The following RAPGEF6 variants were observed in gnomAD, a reference collection of about 807,000 sequenced individuals.
The protein encoded by RAPGEF6 is PDZ domain containing guanine nucleotide exchange factor (GEF) 2.
In RAPGEF6, 56 loss-of-function variants were observed where a neutral mutation model predicts 171.4. The observed-to-expected ratio is 0.33, with a 90% CI of 0.26 to 0.41. RAPGEF6 has a LOEUF of 0.41. RAPGEF6 is among the 10% of genes least tolerant of loss of function. RAPGEF6 has a pLI of 1.00. For missense variants in RAPGEF6, 1,674 were observed against 1,921.4 expected, an observed-to-expected ratio of 0.87 and a Z score of 2.41; for synonymous variants, 692 against 650.1, an observed-to-expected ratio of 1.06 and a Z score of -0.98.
intron 4 of RAPGEF6, among the ~76,000 whole-genome samples, chr5:131,586,989 T>C (rs1486171947): frequency 6.6e-6 from 1 of 152,232 alleles, no homozygotes; most frequent in African/African-American, 2.4e-5. Flanking sequence ...CCCTTTGCTG[T>C]GAGGAAGAGC....
intron 4 of RAPGEF6, among the ~76,000 whole-genome samples, chr5:131,584,964 A>C (rs1353654990): frequency 6.6e-6 from 1 of 152,238 alleles, no homozygotes; most frequent in Non-Finnish European, 1.5e-5. Context: ...TAATAACAGG[A>C]GTTTAACAAC....
chr5:131,627,173 C>G (rs918253871), intron 1 of RAPGEF6, among the ~76,000 whole-genome samples: 3 of 152,152 alleles, frequency 2.0e-5, no homozygotes, highest in Non-Finnish European at 4.4e-5. Flanking sequence ...CAGCTGCCAA[C>G]AGATTATGAA....
Position 131,519,446 on chromosome 5 carries a change from G to C in RAPGEF6, c.627+1944C>G, listed in dbSNP as rs145986419. Among the ~76,000 whole-genome samples the C allele has an allele frequency of 2.6e-5, 4 of 152,212 alleles. No homozygotes were observed. The South Asian group carries it at 8.3e-4, about 32-fold the overall frequency. ...AGACAGAGTCTTGCTCTGTCGGCCA[G>C]GCTGGAGTGCAGTGGCATGCTCTTG... On this transcript the variant is annotated intron_variant, in intron 7 of 27. Coordinates refer to ENST00000509018, the MANE Select transcript of RAPGEF6 (RefSeq NM_016340.6).
chr5:131,456,627 T>C (rs961372348), intron 19 of RAPGEF6, among the ~76,000 whole-genome samples: 5 of 152,252 alleles, frequency 3.3e-5, no homozygotes, highest in Non-Finnish European at 5.9e-5. Context: ...CAAGTCTTTA[T>C]GAATCCTTTA....
At chr5:131,501,291 G>A (rs1026915565) in intron 11 of RAPGEF6, among the ~76,000 whole-genome samples, 5 of 151,142 alleles carry the variant, frequency 3.3e-5, no homozygotes, top group African/African-American at 4.9e-5. Context: ...AGCCAAGATC[G>A]TGCCACTGCA....
At chr5:131,623,529 G>A (rs1765720237) in intron 1 of RAPGEF6, among the ~76,000 whole-genome samples, 1 of 144,864 alleles carries the variant, frequency 6.9e-6, no homozygotes, top group Non-Finnish European at 1.5e-5. Flanking sequence ...TGTTGCCCAG[G>A]CTGGAGTGCA....
intron 12 of RAPGEF6, among the ~76,000 whole-genome samples, chr5:131,497,103 G>A (rs951528582): frequency 6.6e-6 from 1 of 152,104 alleles, no homozygotes; most frequent in African/African-American, 2.4e-5. Flanking sequence ...TTGAGGTTAT[G>A]ACTGCATATC....
intron 5 of RAPGEF6, among the ~76,000 whole-genome samples, chr5:131,550,503 T>C (rs1760854005): frequency 6.6e-6 from 1 of 152,220 alleles, no homozygotes; most frequent in Non-Finnish European, 1.5e-5. Context: ...CTAATCTGCT[T>C]TGTTCAGGTG....
Position 131,600,611 on chromosome 5 carries a change from G to A in RAPGEF6, c.197+2660C>T, listed in dbSNP as rs572450164. On this transcript the variant is annotated intron_variant, in intron 3 of 27. Transcript: ENST00000509018. ...AGAGGGGAGGGGAAGGGAGGGGAGA[G>A]AAGAGGAGAGAAGAGGAGAGGAGGA... 2.9e-3 allele frequency among the ~76,000 whole-genome samples: 433 copies of A among 149,408 alleles called. 2 individuals carry two copies. The highest frequency in any genetic ancestry group is 0.01 in the African/African-American group (411 of 40,460).
chr5:131,568,336 ATT>A (rs34309602), intron 4 of RAPGEF6, among the ~76,000 whole-genome samples: 56 of 147,784 alleles, frequency 3.8e-4, no homozygotes, highest in South Asian at 8.5e-4. Flanking sequence ...TATTTTTGTT[ATT>A]TTTTTTTTTT....
At chr5:131,488,895 C>G (rs1225121182) in intron 15 of RAPGEF6, among the ~76,000 whole-genome samples, 1 of 152,044 alleles carries the variant, frequency 6.6e-6, no homozygotes, top group African/African-American at 2.4e-5. Flanking sequence ...CCTAAAGTGT[C>G]TAAGGCAATC....
chr5:131,457,772 C>T (rs1162066104), intron 19 of RAPGEF6, among the ~76,000 whole-genome samples: 1 of 152,018 alleles, frequency 6.6e-6, no homozygotes, highest in Non-Finnish European at 1.5e-5. Flanking sequence ...AGCCATGGAA[C>T]GAATGCCCCA....
chr5:131,607,683 T>C (rs1039030682), intron 1 of RAPGEF6, among the ~76,000 whole-genome samples: 1 of 152,192 alleles, frequency 6.6e-6, no homozygotes, highest in African/African-American at 2.4e-5. Flanking sequence ...TAGAGGTGAC[T>C]GGTACCCTTA....
intron 7 of RAPGEF6, among the ~76,000 whole-genome samples, chr5:131,513,258 C>T (rs991117990): frequency 2.0e-5 from 3 of 152,104 alleles, no homozygotes; most frequent in Non-Finnish European, 4.4e-5. Context: ...ATCTAAGAAA[C>T]GACTGGGAAA....
At chr5:131,512,406 C>G (rs1034515746) in intron 7 of RAPGEF6, among the ~76,000 whole-genome samples, 5 of 148,904 alleles carry the variant, frequency 3.4e-5, no homozygotes, top group Non-Finnish European at 5.9e-5. Context: ...GGGTTTCACT[C>G]TGTCACCCAA....
At chr5:131,482,364 G>T (rs766992145) in intron 15 of RAPGEF6, among the ~76,000 whole-genome samples, 1 of 152,040 alleles carries the variant, frequency 6.6e-6, no homozygotes, top group Admixed American at 6.6e-5. Context: ...ATCCAGGCTG[G>T]AGACCATAGC....
intron 24 of RAPGEF6, among the ~76,000 whole-genome samples, chr5:131,434,126 G>A (rs1751880236): frequency 6.6e-6 from 1 of 152,220 alleles, no homozygotes; most frequent in South Asian, 2.1e-4. Context: ...AGGGGTGGGA[G>A]TCCAGGACTC....
At chr5:131,626,411 T>C (rs1045580786) in intron 1 of RAPGEF6, among the ~76,000 whole-genome samples, 7 of 152,092 alleles carry the variant, frequency 4.6e-5, no homozygotes, top group Middle Eastern at 3.2e-3. Context: ...CCAACGGGAA[T>C]GCCTGCTCTA....
intron 3 of RAPGEF6, among the ~76,000 whole-genome samples, chr5:131,596,196 A>G (rs1450113590): frequency 6.9e-6 from 1 of 144,896 alleles, no homozygotes; most frequent in Non-Finnish European, 1.5e-5. Flanking sequence ...AAAGACATCC[A>G]TGCAAATGGA....
Sources: allele counts gnomAD v4.1 joint callset (sites outside exome capture counted in the v4.1 genomes callset), GRCh38; gene constraint gnomAD v4.1.1; transcripts MANE v1.5; gene names NCBI Gene and HGNC (gene_info 2026-07-23, HGNC 2026-07-21).